The following MACROD2 variants were observed in gnomAD, a reference collection of about 807,000 sequenced individuals.
The protein encoded by MACROD2 is mono-ADP ribosylhydrolase 2, also known as ADP-ribose glycohydrolase MACROD2.
Under a neutral mutation model 70.4 loss-of-function variants are expected in MACROD2, and 36 were observed. That is an observed-to-expected ratio of 0.51 (90% CI 0.39 to 0.68). MACROD2 has a LOEUF of 0.68. Ranked by LOEUF, MACROD2 falls within the 30% of genes least tolerant of loss-of-function variation. MACROD2 has a pLI of 0.00. For synonymous variants in MACROD2, 172 were observed against 178.8 expected, an observed-to-expected ratio of 0.96 and a Z score of 0.30; for missense variants, 496 against 538.4, an observed-to-expected ratio of 0.92 and a Z score of 0.78.
chr20:14,345,680 T>C (rs2083056639), intron 3 of MACROD2, among the ~76,000 whole-genome samples: 1 of 152,074 alleles, frequency 6.6e-6, no homozygotes, highest in African/African-American at 2.4e-5. Context: ...TCTGCCAGCG[T>C]TGGCCTCCCA....
At chr20:15,707,881 A>G (rs1425494895) in intron 8 of MACROD2, among the ~76,000 whole-genome samples, 1 of 152,088 alleles carries the variant, frequency 6.6e-6, no homozygotes, top group Non-Finnish European at 1.5e-5. Context: ...AGCAAATGCC[A>G]TAGAGAATAG....
At chr20:14,946,106 C>T (rs770303539) in intron 5 of MACROD2, among the ~76,000 whole-genome samples, 7 of 151,624 alleles carry the variant, frequency 4.6e-5, no homozygotes, top group South Asian at 2.1e-4. Flanking sequence ...GGCTGAGGCA[C>T]GAGAACTGCT....
At chr20:15,642,953 G>T (rs2049485253) in intron 8 of MACROD2, among the ~76,000 whole-genome samples, 1 of 152,112 alleles carries the variant, frequency 6.6e-6, no homozygotes, top group African/African-American at 2.4e-5. Flanking sequence ...CCACGCATGG[G>T]CCCTTATAAA....
intron 3 of MACROD2, among the ~76,000 whole-genome samples, chr20:14,112,223 G>A (rs1004458679): frequency 9.4e-4 from 143 of 152,054 alleles, no homozygotes; most frequent in African/African-American, 3.4e-3. Flanking sequence ...GAAGGGTAGT[G>A]GGGGGTTGGA....
intron 5 of MACROD2, among the ~76,000 whole-genome samples, chr20:15,218,001 A>G (rs1009103012): frequency 1.4e-4 from 22 of 152,170 alleles, no homozygotes; most frequent in African/African-American, 5.3e-4. Flanking sequence ...CACTGATTCT[A>G]TGTCAGGCCC....
intron 5 of MACROD2, among the ~76,000 whole-genome samples, chr20:15,088,651 G>A (rs1346586080): frequency 2.0e-5 from 3 of 151,536 alleles, no homozygotes; most frequent in Non-Finnish European, 4.4e-5. Context: ...GGACTTGACT[G>A]GAAGAGAGTT....
rs1032085543 is a variant in MACROD2, at chr20:14,762,887, G to A, written c.418+77928G>A. Among the ~76,000 whole-genome samples the A allele has an allele frequency of 4.6e-5, 7 of 152,118 alleles. No individual in the cohort carries two copies. The East Asian group carries it at 9.7e-4, about 21-fold the overall frequency. ...AGAGGTTGCGGTGAGCTGAGATTGC[G>A]CCACTGCACTCCAGCATGGGAGACA... On this transcript the variant is annotated intron_variant, in intron 5 of 17. Transcript: ENST00000684519.
chr20:15,710,795 A>T (rs936105558), intron 8 of MACROD2, among the ~76,000 whole-genome samples: 2 of 152,132 alleles, frequency 1.3e-5, no homozygotes, highest in Non-Finnish European at 2.9e-5. Context: ...TCCCAACGAG[A>T]TCTTTGAGTT....
intron 8 of MACROD2, among the ~76,000 whole-genome samples, chr20:15,620,510 G>C (rs2049110080): frequency 6.6e-6 from 1 of 152,150 alleles, no homozygotes; most frequent in Non-Finnish European, 1.5e-5. Flanking sequence ...GGCAGTAATA[G>C]GACAAACTGA....
intron 11 of MACROD2, among the ~76,000 whole-genome samples, chr20:15,935,599 A>T (rs2065646981): frequency 6.6e-6 from 1 of 152,302 alleles, no homozygotes; most frequent in East Asian, 1.9e-4. Context: ...CACAATCTTA[A>T]AACACTGTAA....
chr20:16,023,373 G>C (rs1277994957), intron 15 of MACROD2, among the ~76,000 whole-genome samples: 1 of 151,198 alleles, frequency 6.6e-6, no homozygotes, highest in South Asian at 2.1e-4. Context: ...TACTTGGGAG[G>C]CTGAGGCAGG....
chr20:14,986,643 C>T (rs1443311902), intron 5 of MACROD2, among the ~76,000 whole-genome samples: 1 of 152,014 alleles, frequency 6.6e-6, no homozygotes, highest in African/African-American at 2.4e-5. Flanking sequence ...CAGAAAAAGA[C>T]GTTAAAAAAT....
chr20:15,646,674 A>T (rs1257584891), intron 8 of MACROD2, among the ~76,000 whole-genome samples: 1 of 152,138 alleles, frequency 6.6e-6, no homozygotes, highest in Non-Finnish European at 1.5e-5. Flanking sequence ...CCATGCTTTT[A>T]TGATAGTGAG....
chr20:14,062,168 A>G (rs1490432318), intron 2 of MACROD2, among the ~76,000 whole-genome samples: 5 of 152,124 alleles, frequency 3.3e-5, no homozygotes, highest in Non-Finnish European at 5.9e-5. Context: ...AAATATTTTA[A>G]GTGATTGACT....
chr20:15,070,236 G>A (rs1450142615), intron 5 of MACROD2, among the ~76,000 whole-genome samples: 1 of 152,162 alleles, frequency 6.6e-6, no homozygotes, highest in African/African-American at 2.4e-5. Flanking sequence ...CCCAATGCCA[G>A]TTCTACCATT....
chr20:14,913,285 A>G (rs757544867), intron 5 of MACROD2, among the ~76,000 whole-genome samples: 42 of 152,268 alleles, frequency 2.8e-4, no homozygotes, highest in Admixed American at 6.5e-4. Context: ...ATAGGCTTTT[A>G]GTTACTATGG....
chr20:15,253,210 C>G (rs1231661201), intron 6 of MACROD2, among the ~76,000 whole-genome samples: 1 of 152,108 alleles, frequency 6.6e-6, no homozygotes, highest in Non-Finnish European at 1.5e-5. Context: ...GTGTGGCTAC[C>G]ACTGCTGTAG....
intron 4 of MACROD2, among the ~76,000 whole-genome samples, chr20:14,530,155 T>C (rs1184098702): frequency 6.6e-6 from 1 of 152,146 alleles, no homozygotes; most frequent in African/African-American, 2.4e-5. Flanking sequence ...TTTTGCCAGT[T>C]ATCTGTTGAG....
At chr20:15,956,383 G>T (rs1161298313) in intron 12 of MACROD2, among the ~76,000 whole-genome samples, 1 of 152,166 alleles carries the variant, frequency 6.6e-6, no homozygotes, top group Admixed American at 6.5e-5. Flanking sequence ...TAATGTGAAG[G>T]AGAGATGCTT....
Sources: gnomAD v4.1 joint callset for allele counts (sites outside exome capture counted in the v4.1 genomes callset) on GRCh38, gnomAD v4.1.1 for gene constraint, MANE v1.5 for transcripts, NCBI Gene and HGNC (gene_info 2026-07-23, HGNC 2026-07-21) for gene names.